The following WWP1 variants were observed in gnomAD, a reference collection of about 807,000 sequenced individuals.
The protein encoded by WWP1 is WW domain containing E3 ubiquitin protein ligase 1.
In WWP1, 49 loss-of-function variants were observed where a neutral mutation model predicts 130.6. The ratio of observed to expected loss-of-function variants is 0.38; its 90% CI spans 0.30 to 0.48. The LOEUF is 0.48. WWP1 is among the 20% of genes least tolerant of loss of function. WWP1 has a pLI of 0.99. For missense variants in WWP1, 809 were observed against 1,100.6 expected (o/e 0.74, Z 3.75); for synonymous variants, 332 against 367.8 (o/e 0.90, Z 1.11).
chr8:86,419,547 A>G (rs1362273662), intron 9 of WWP1, among the ~76,000 whole-genome samples: 1 of 152,254 alleles, frequency 6.6e-6, no homozygotes, highest in Non-Finnish European at 1.5e-5. Flanking sequence ...TGGAAATTTA[A>G]TTCAGTGTGA....
rs1250454167 is a variant in WWP1 at position 86,406,435 on chromosome 8, G to A, written c.724+4232G>A. 8.5e-5 allele frequency among the ~76,000 whole-genome samples: 13 copies of A among 152,266 alleles called. No individual in the cohort carries two copies. The East Asian group carries it at 2.1e-3, about 25-fold the overall frequency. ...TCAGTATGGTGAGTTTCAGACAGAA[G>A]TACATGATATCACAAGTTTATTATA... On this transcript the variant is annotated intron_variant, in intron 8 of 24. Transcript: ENST00000517970.
chr8:86,347,737 T>G (rs1045053929), intron 1 of WWP1, among the ~76,000 whole-genome samples: 13 of 152,242 alleles, frequency 8.5e-5, no homozygotes, highest in African/African-American at 3.1e-4. Context: ...ATTTTGAATT[T>G]AATTCTGTTG....
intron 11 of WWP1, 71 bp downstream of exon 11, chr8:86,427,888 A>G: frequency 1.4e-6 from 2 of 1,405,232 alleles, no homozygotes; most frequent in East Asian, 2.3e-5. Flanking sequence ...TTTTTTTGCT[A>G]TCCCTTGACC....
At chr8:86,458,803 T>G (rs1811594347) in intron 22 of WWP1, among the ~76,000 whole-genome samples, 1 of 152,116 alleles carries the variant, frequency 6.6e-6, no homozygotes. Flanking sequence ...TGCTTGATAT[T>G]TTAAAGAGAT....
rs1825438949 is a variant in WWP1 at position 86,388,836 on chromosome 8, T to G, written c.334+7207T>G. Among the ~76,000 whole-genome samples the G allele has an allele frequency of 2.0e-5, 3 of 152,208 alleles. 1 individual carries two copies. Among genetic ancestry groups the G allele is most frequent in the Admixed American group, 2.0e-4 (3 of 15,290 alleles). ...AACATAAGCATTTATTATTTTGACT[T>G]CTGCAGTCTTTTAAATCAGACCTGA... On this transcript the variant is annotated intron_variant, in intron 5 of 24. Transcript: ENST00000517970.
At chr8:86,446,352 T>A (rs1810879964) in intron 18 of WWP1, among the ~76,000 whole-genome samples, 1 of 152,170 alleles carries the variant, frequency 6.6e-6, no homozygotes, top group South Asian at 2.1e-4. Flanking sequence ...TTTTTTTTCT[T>A]GTTGATTTGC....
At chr8:86,367,952 C>G (rs931241156) in intron 1 of WWP1, among the ~76,000 whole-genome samples, 18 of 152,322 alleles carry the variant, frequency 1.2e-4, no homozygotes, top group African/African-American at 3.8e-4. Context: ...GTTAATACCA[C>G]TTACATAAAC....
In WWP1 at chr8:86,442,922, A is replaced by G. The variant is rs1385329541; in HGVS notation, c.1998+144A>G. On this transcript the variant is annotated intron_variant, in intron 18 of 24. Transcript: ENST00000517970. Reference sequence around the variant, plus strand: ...GAAAGTTTCCCTGGAGAGTGTAAAAATATATTTTTTGAGTACCTGTATAAA... The same window carrying G: ...GAAAGTTTCCCTGGAGAGTGTAAAAGTATATTTTTTGAGTACCTGTATAAA... 4 of 818,650 alleles carry G rather than the reference A, an allele frequency of 4.9e-6. No homozygotes were observed. In the South Asian group the frequency reaches 9.1e-5, roughly 19 times the overall value. The allele number at this position is 818,650 out of a possible 1,614,324, so 50.7% of individuals were successfully genotyped here.
chr8:86,440,680 G>A (rs1810544750), intron 17 of WWP1: 1 of 454,108 alleles, frequency 2.2e-6, no homozygotes, highest in African/African-American at 2.0e-5. Context: ...TTATGTCTTT[G>A]AATATTTTTT....
intron 11 of WWP1, among the ~76,000 whole-genome samples, chr8:86,429,448 T>C (rs77993935): frequency 6.7e-4 from 102 of 152,348 alleles, no homozygotes; most frequent in African/African-American, 2.4e-3. Context: ...AAGATGCATA[T>C]ACTTTAAGAA....
intron 1 of WWP1, among the ~76,000 whole-genome samples, chr8:86,351,637 C>CA (rs924730397): frequency 6.0e-5 from 9 of 149,562 alleles, no homozygotes; most frequent in Admixed American, 3.3e-4. Flanking sequence ...GCCAAATAAA[C>CA]AAAAAAAAAG....
chr8:86,430,627 T>G, intron 11 of WWP1, 70 bp from the exon 12 acceptor site: 1 of 1,286,652 alleles, frequency 7.8e-7, no homozygotes, highest in Non-Finnish European at 1.1e-6. Flanking sequence ...TGCCACATGC[T>G]TGGCTTATTT....
At chr8:86,372,477 CCT>C (rs1294663560) in intron 2 of WWP1, among the ~76,000 whole-genome samples, 2 of 152,140 alleles carry the variant, frequency 1.3e-5, no homozygotes, top group Non-Finnish European at 2.9e-5. Flanking sequence ...TTAGTATGCC[CCT>C]GTCTCTTAAG....
Position 86,442,616 on chromosome 8 carries a change from T to C in WWP1, c.1839-3T>C, listed in dbSNP as rs367686497. On this transcript the variant is annotated splice_polypyrimidine_tract_variant and splice_region_variant and intron_variant, in intron 17 of 24. Coordinates refer to ENST00000517970, the MANE Select transcript of WWP1 (RefSeq NM_007013.4). Reference sequence around the variant, plus strand: ...AAAATAACCTTGACTTATTTTCTTATAGAGAATGGTTTTTCTTGCTTTCAC... The same window carrying C: ...AAAATAACCTTGACTTATTTTCTTACAGAGAATGGTTTTTCTTGCTTTCAC... The C allele has an allele frequency of 2.9e-5, 46 of 1,588,628 alleles. 1 individual carries two copies. Among genetic ancestry groups the C allele is most frequent in the African/African-American group, 4.1e-5 (3 of 73,570 alleles).
At chr8:86,385,581 C>A (rs1264773156) in intron 5 of WWP1, among the ~76,000 whole-genome samples, 2 of 151,888 alleles carry the variant, frequency 1.3e-5, no homozygotes, top group Non-Finnish European at 2.9e-5. Context: ...GTGACTGTTA[C>A]CAGAAGTATA....
At chr8:86,371,294 C>T (rs1208859879) in intron 2 of WWP1, among the ~76,000 whole-genome samples, 1 of 152,056 alleles carries the variant, frequency 6.6e-6, no homozygotes, top group Non-Finnish European at 1.5e-5. Context: ...GAGTATTTTT[C>T]AATTTTTTTG....
intron 1 of WWP1, among the ~76,000 whole-genome samples, chr8:86,353,789 A>G (rs896604917): frequency 1.3e-5 from 2 of 152,166 alleles, no homozygotes; most frequent in African/African-American, 4.8e-5. Flanking sequence ...GGCCATGAGA[A>G]GCCTATTGTA....
intron 8 of WWP1, among the ~76,000 whole-genome samples, chr8:86,406,975 C>T (rs1432884545): frequency 1.3e-5 from 2 of 151,990 alleles, no homozygotes; most frequent in Admixed American, 6.6e-5. Context: ...GATGGATATA[C>T]CATAAAGTTC....
chr8:86,379,806 A>G (rs542757189), intron 3 of WWP1, among the ~76,000 whole-genome samples: 1 of 152,360 alleles, frequency 6.6e-6, no homozygotes, highest in East Asian at 1.9e-4. Context: ...AGACAAGTTA[A>G]TAGTACCTGG....
Sources: gnomAD v4.1 joint callset for allele counts (sites outside exome capture counted in the v4.1 genomes callset) on GRCh38, gnomAD v4.1.1 for gene constraint, MANE v1.5 for transcripts, NCBI Gene and HGNC (gene_info 2026-07-23, HGNC 2026-07-21) for gene names.